The following EFCAB13 variants were observed in gnomAD, a reference collection of about 807,000 sequenced individuals.
The protein encoded by EFCAB13 is EF-hand calcium binding domain 13.
In EFCAB13, 91 loss-of-function variants were observed where a neutral mutation model predicts 110.2. The observed-to-expected ratio is 0.83, with a 90% CI of 0.70 to 0.98. The LOEUF is 0.98. EFCAB13 is among the 50% of genes least tolerant of loss of function. EFCAB13 has a pLI of 0.00. For synonymous variants in EFCAB13, 323 were observed against 369.9 expected, an observed-to-expected ratio of 0.87 and a Z score of 1.45; for missense variants, 968 against 1,119.4, an observed-to-expected ratio of 0.86 and a Z score of 1.93.
At chr17:47,433,474 T>A (rs765733110) in intron 24 of EFCAB13, among the ~76,000 whole-genome samples, 27 of 152,204 alleles carry the variant, frequency 1.8e-4, no homozygotes, top group South Asian at 6.2e-4. Context: ...ATCAAAGAAT[T>A]TGGGGACGTG....
At chr17:47,327,010 G>A (rs558051429) in intron 3 of EFCAB13, among the ~76,000 whole-genome samples, 17 of 152,290 alleles carry the variant, frequency 1.1e-4, no homozygotes, top group African/African-American at 4.1e-4. Context: ...AATATAGCTA[G>A]CACTGTGATA....
At chr17:47,432,451 G>A (rs1905136679) in intron 24 of EFCAB13, among the ~76,000 whole-genome samples, 1 of 134,412 alleles carries the variant, frequency 7.4e-6, no homozygotes, top group South Asian at 2.3e-4. Context: ...AATTAGCTCG[G>A]TGTGATAGCG....
At chr17:47,340,643 C>T (rs948256925) in intron 5 of EFCAB13, among the ~76,000 whole-genome samples, 1 of 151,864 alleles carries the variant, frequency 6.6e-6, no homozygotes, top group Non-Finnish European at 1.5e-5. Context: ...TGCCCTGTCA[C>T]CCAGGCTGGA....
At chr17:47,337,482 A>G (rs768782614) in intron 5 of EFCAB13, among the ~76,000 whole-genome samples, 1 of 152,098 alleles carries the variant, frequency 6.6e-6, no homozygotes, top group South Asian at 2.1e-4. Flanking sequence ...ATATATAAAA[A>G]TAAAAAAAAT....
intron 21 of EFCAB13, among the ~76,000 whole-genome samples, chr17:47,410,339 A>T (rs2143464216): frequency 6.6e-6 from 1 of 152,314 alleles, no homozygotes; most frequent in East Asian, 1.9e-4. Context: ...TCTATTCATG[A>T]GGGCAGAGCC....
chr17:47,378,888 A>G (rs572059052), intron 13 of EFCAB13, among the ~76,000 whole-genome samples: 1 of 152,224 alleles, frequency 6.6e-6, no homozygotes, highest in East Asian at 1.9e-4. Context: ...CTGTTAAGAA[A>G]TTAGTATCTA....
At chr17:47,427,753 C>G (rs1905009330) in intron 23 of EFCAB13, among the ~76,000 whole-genome samples, 1 of 152,028 alleles carries the variant, frequency 6.6e-6, no homozygotes, top group African/African-American at 2.4e-5. Flanking sequence ...CCCATTACCT[C>G]CATGCCTCTT....
At chr17:47,348,213 C>T (rs113969148) in intron 9 of EFCAB13, among the ~76,000 whole-genome samples, 7,635 of 150,990 alleles carry the variant, frequency 0.051, 229 homozygotes, top group Middle Eastern at 0.15. Context: ...TATTGTTCCA[C>T]GCATGGTCTA....
At chr17:47,438,236 G>A (rs1022474977) in intron 24 of EFCAB13, among the ~76,000 whole-genome samples, 32 of 152,258 alleles carry the variant, frequency 2.1e-4, no homozygotes, top group African/African-American at 7.7e-4. Context: ...TCTTAACTTT[G>A]GATAACCTGA....
chr17:47,416,024 CT>C (rs1317119840), intron 23 of EFCAB13, among the ~76,000 whole-genome samples: 1 of 152,122 alleles, frequency 6.6e-6, no homozygotes, highest in Non-Finnish European at 1.5e-5. Flanking sequence ...TTTCTAAATG[CT>C]TTGGTGAAAC....
intron 17 of EFCAB13, among the ~76,000 whole-genome samples, chr17:47,398,565 C>G (rs2065761139): frequency 6.6e-6 from 1 of 151,922 alleles, no homozygotes; most frequent in Non-Finnish European, 1.5e-5. Flanking sequence ...CAACCCTGTG[C>G]TCTCTGAATC....
rs1192960693 is a variant in EFCAB13, at chr17:47,397,979, C to T, written c.1945+2002C>T. On this transcript the variant is annotated intron_variant, in intron 17 of 24. Coordinates refer to ENST00000331493, the MANE Select transcript of EFCAB13 (RefSeq NM_152347.5). ...CGGGAGGGAGGTGGGGGGGTCAGCC[C>T]CCCGCCCGGCCAGCCGCCCCGTCCG... Among the ~76,000 whole-genome samples the T allele has an allele frequency of 2.7e-5, 4 of 149,506 alleles. No homozygotes were observed. In the East Asian group the frequency reaches 6.1e-4, roughly 23 times the overall value.
chr17:47,411,323 T>C (rs1686598993), intron 21 of EFCAB13, among the ~76,000 whole-genome samples: 1 of 152,240 alleles, frequency 6.6e-6, no homozygotes, highest in Admixed American at 6.5e-5. Context: ...TTGCATATAC[T>C]GTTTCCTTTG....
chr17:47,369,905 G>A (rs1049208590), intron 10 of EFCAB13: 1 of 154,012 alleles, frequency 6.5e-6, no homozygotes, highest in Non-Finnish European at 1.4e-5. Context: ...GAAGTTATAA[G>A]AGTGCTGGAC....
intron 4 of EFCAB13, among the ~76,000 whole-genome samples, chr17:47,329,522 A>T (rs1000823071): frequency 1.7e-4 from 26 of 152,162 alleles, no homozygotes; most frequent in African/African-American, 6.0e-4. Context: ...TACATTTAAA[A>T]TTTACCTTTT....
intron 6 of EFCAB13, 84 bp downstream of exon 6, chr17:47,342,116 G>A (rs2065389030): frequency 2.8e-6 from 2 of 723,028 alleles, no homozygotes; most frequent in Non-Finnish European, 4.6e-6. Flanking sequence ...TTTAGTCCAA[G>A]TGTTGAAATG....
intron 11 of EFCAB13, among the ~76,000 whole-genome samples, chr17:47,373,100 TTA>T (rs1489691366): frequency 3.3e-5 from 5 of 152,178 alleles, no homozygotes; most frequent in Non-Finnish European, 7.4e-5. Context: ...GCTTTCCCCA[TTA>T]TTTTTCATTC....
Position 47,440,937 on chromosome 17 carries a change from A to C in EFCAB13, c.*223A>C. On this transcript the variant is annotated 3_prime_UTR_variant, in exon 25 of 25. Coordinates refer to ENST00000331493, the MANE Select transcript of EFCAB13 (RefSeq NM_152347.5). Reference sequence around the variant, plus strand: ...GTATAATGTACATATGGCAAAATTCACTCTTTTTAGGTATACAGTTCTTTG... The same window carrying C: ...GTATAATGTACATATGGCAAAATTCCCTCTTTTTAGGTATACAGTTCTTTG... 1 of 347,224 alleles carries C rather than the reference A, an allele frequency of 2.9e-6. No individual in the cohort carries two copies. The highest frequency in any genetic ancestry group is 5.2e-5 in the East Asian group (1 of 19,234). The allele number at this position is 347,224 out of a possible 1,614,324, so 21.5% of individuals were successfully genotyped here. A position where few individuals can be genotyped will look rare whatever the true frequency, so the allele number is the denominator to read the frequency against.
At chr17:47,421,542 G>A (rs1221863001) in intron 23 of EFCAB13, among the ~76,000 whole-genome samples, 1 of 149,526 alleles carries the variant, frequency 6.7e-6, no homozygotes, top group Non-Finnish European at 1.5e-5. Context: ...TTGTTCACTT[G>A]TTTATCTGCT....
Sources: allele counts gnomAD v4.1 joint callset (sites outside exome capture counted in the v4.1 genomes callset), GRCh38; gene constraint gnomAD v4.1.1; transcripts MANE v1.5; gene names NCBI Gene and HGNC (gene_info 2026-07-23, HGNC 2026-07-21).